EYS: variants seen among roughly 807,000 people sequenced by gnomAD.
The protein encoded by EYS is EGF-like photoreceptor maintenance factor.
A neutral mutation model predicts 282.1 loss-of-function variants in EYS; 250 were observed. The ratio of observed to expected loss-of-function variants is 0.89; its 90% CI spans 0.80 to 0.98. The LOEUF (loss-of-function observed/expected upper bound fraction) is 0.98. Ranked by LOEUF, EYS falls within the 50% of genes least tolerant of loss-of-function variation. The pLI is 0.00. For missense variants in EYS, 4,016 were observed against 3,709.0 expected, an observed-to-expected ratio of 1.08 and a Z score of -2.15; for synonymous variants, 1,355 against 1,282.9, an observed-to-expected ratio of 1.06 and a Z score of -1.20.
chr6:65,300,333 C>G (rs1768783270), intron 11 of EYS, among the ~76,000 whole-genome samples: 3 of 152,186 alleles, frequency 2.0e-5, no homozygotes. Flanking sequence ...CTTTTCCTTA[C>G]TTGACTTCCT....
At chr6:64,037,243 A>G (rs1770165698) in intron 33 of EYS, among the ~76,000 whole-genome samples, 1 of 152,196 alleles carries the variant, frequency 6.6e-6, no homozygotes, top group African/African-American at 2.4e-5. Flanking sequence ...AAACGGTCCT[A>G]TTAACTTTTT....
At chr6:64,578,952 A>T (rs1765976236) in intron 26 of EYS, among the ~76,000 whole-genome samples, 1 of 152,136 alleles carries the variant, frequency 6.6e-6, no homozygotes, top group Non-Finnish European at 1.5e-5. Flanking sequence ...ACTGCACCAC[A>T]TGCTTCAAGT....
At chr6:64,146,076 C>G (rs1774510319) in intron 31 of EYS, among the ~76,000 whole-genome samples, 1 of 151,976 alleles carries the variant, frequency 6.6e-6, no homozygotes, top group South Asian at 2.1e-4. Flanking sequence ...GTTGTATAAT[C>G]TTGAAGTGGC....
chr6:64,122,664 TAAAA>T (rs150099029), intron 31 of EYS, among the ~76,000 whole-genome samples: 1 of 152,166 alleles, frequency 6.6e-6, no homozygotes, highest in East Asian at 1.9e-4. Context: ...ATTAATATGT[TAAAA>T]AAATGAAATA....
intron 31 of EYS, among the ~76,000 whole-genome samples, chr6:64,190,622 T>A: frequency 6.6e-6 from 1 of 152,148 alleles, no homozygotes; most frequent in South Asian, 2.1e-4. Flanking sequence ...AACCCAAAGA[T>A]CTTATGGGAT....
At chr6:65,549,263 T>C (rs1041247093) in intron 2 of EYS, among the ~76,000 whole-genome samples, 6 of 152,206 alleles carry the variant, frequency 3.9e-5, no homozygotes, top group Admixed American at 3.3e-4. Flanking sequence ...AGGCAATGTA[T>C]TAACTAAACC....
At chr6:64,960,825 G>T (rs746658455) in intron 14 of EYS, among the ~76,000 whole-genome samples, 3 of 151,982 alleles carry the variant, frequency 2.0e-5, no homozygotes, top group Non-Finnish European at 2.9e-5. Context: ...ACCCTCTGAT[G>T]GTCCCCAATG....
At chr6:65,387,922 T>A (rs1208493559) in intron 7 of EYS, among the ~76,000 whole-genome samples, 4 of 152,044 alleles carry the variant, frequency 2.6e-5, no homozygotes, top group African/African-American at 4.8e-5. Flanking sequence ...GTTACTTGTA[T>A]CAGTTTCAAT....
At chr6:64,596,150 A>G (rs1037078244) in intron 24 of EYS, among the ~76,000 whole-genome samples, 2 of 152,146 alleles carry the variant, frequency 1.3e-5, no homozygotes, top group African/African-American at 4.8e-5. Flanking sequence ...CTACTGCAAC[A>G]CCAGCAGAAA....
At chr6:64,106,626 TTG>T (rs35062611) in intron 31 of EYS, among the ~76,000 whole-genome samples, 7 of 150,502 alleles carry the variant, frequency 4.7e-5, no homozygotes, top group African/African-American at 7.3e-5. Context: ...GTAGCTGGTT[TTG>T]TGTGTGTGTG....
chr6:64,352,372 A>G (rs1161260098), intron 29 of EYS, among the ~76,000 whole-genome samples: 2 of 151,504 alleles, frequency 1.3e-5, no homozygotes, highest in East Asian at 3.9e-4. Context: ...ATATTTTAGA[A>G]CTATACCAGG....
chr6:65,471,594 G>A (rs1160361635), intron 5 of EYS, among the ~76,000 whole-genome samples: 3 of 151,994 alleles, frequency 2.0e-5, no homozygotes, highest in Non-Finnish European at 2.9e-5. Flanking sequence ...TTATGTTGAC[G>A]TAATTGAAAA....
intron 35 of EYS, among the ~76,000 whole-genome samples, chr6:63,926,440 T>G (rs1292365732): frequency 2.0e-5 from 3 of 152,216 alleles, no homozygotes. Context: ...TTGGGACTTT[T>G]ACAGTGCATT....
intron 31 of EYS, among the ~76,000 whole-genome samples, chr6:64,193,899 A>G (rs1366900410): frequency 6.6e-6 from 1 of 152,124 alleles, no homozygotes; most frequent in Non-Finnish European, 1.5e-5. Context: ...CCAGTCTATC[A>G]TTGATGGACA....
At chr6:65,126,792 G>A (rs1236673279) in intron 12 of EYS, among the ~76,000 whole-genome samples, 1 of 152,128 alleles carries the variant, frequency 6.6e-6, no homozygotes, top group Admixed American at 6.6e-5. Context: ...GTCAACTGAT[G>A]AAAAAGTGCT....
intron 22 of EYS, among the ~76,000 whole-genome samples, chr6:64,667,812 A>G (rs2149893491): frequency 2.0e-5 from 3 of 152,306 alleles, no homozygotes; most frequent in African/African-American, 7.2e-5. Context: ...CAAATATATG[A>G]TAATAAAAAA....
intron 30 of EYS, among the ~76,000 whole-genome samples, chr6:64,284,998 C>T (rs1768445274): frequency 6.6e-6 from 1 of 152,118 alleles, no homozygotes; most frequent in African/African-American, 2.4e-5. Context: ...AGATACCTTC[C>T]CCATTGTCTT....
At chr6:64,559,255 A>T (rs1765324995) in intron 26 of EYS, among the ~76,000 whole-genome samples, 1 of 132,122 alleles carries the variant, frequency 7.6e-6, no homozygotes, top group African/African-American at 2.8e-5. Flanking sequence ...CCTTCTTTGT[A>T]TGTGTGTGTG....
At chr6:65,393,328 AAAATTAGCCTTAT>A (rs1306958070) in intron 7 of EYS, among the ~76,000 whole-genome samples, 2 of 152,202 alleles carry the variant, frequency 1.3e-5, no homozygotes, top group Non-Finnish European at 2.9e-5. Context: ...ATAATTTAAA[AAAATTAGCCTTAT>A]AAATGTGACT....
Sources: gnomAD v4.1 joint callset for allele counts (sites outside exome capture counted in the v4.1 genomes callset) on GRCh38, gnomAD v4.1.1 for gene constraint, MANE v1.5 for transcripts, NCBI Gene and HGNC (gene_info 2026-07-23, HGNC 2026-07-21) for gene names.